FER: variants seen among roughly 807,000 people sequenced by gnomAD.
FER encodes FER tyrosine kinase, also known as tyrosine-protein kinase Fer.
A neutral mutation model predicts 111.0 loss-of-function variants in FER; 63 were observed. That is an observed-to-expected ratio of 0.57 (90% CI 0.46 to 0.70). The LOEUF (loss-of-function observed/expected upper bound fraction) is 0.70, where lower values mean the gene tolerates loss of function less well. Among genes scored for constraint, FER ranks in the 30% least tolerant of loss-of-function variants. The pLI is 0.00. For missense variants in FER, 914 were observed against 954.0 expected (o/e 0.96, Z 0.55); for synonymous variants, 327 against 313.9 (o/e 1.04, Z -0.44).
chr5:109,047,635 A>G (rs1385482852), intron 16 of FER, among the ~76,000 whole-genome samples: 1 of 152,106 alleles, frequency 6.6e-6, no homozygotes, highest in Admixed American at 6.5e-5. Context: ...GAGTCTCACT[A>G]TATTGCTCAG....
intron 13 of FER, among the ~76,000 whole-genome samples, chr5:109,031,362 C>G (rs943869810): frequency 6.6e-6 from 1 of 152,056 alleles, no homozygotes; most frequent in Non-Finnish European, 1.5e-5. Context: ...ATAATACTTT[C>G]CTGTGGAAAG....
At chr5:108,984,254 G>A (rs1025727299) in intron 13 of FER, among the ~76,000 whole-genome samples, 2 of 151,944 alleles carry the variant, frequency 1.3e-5, no homozygotes, top group African/African-American at 4.8e-5. Context: ...GTTACTGTAG[G>A]CAAAGATCTA....
At chr5:109,077,715 G>A (rs1776503830) in intron 16 of FER, among the ~76,000 whole-genome samples, 2 of 152,120 alleles carry the variant, frequency 1.3e-5, no homozygotes, top group Admixed American at 1.3e-4. Context: ...TAACCACTAT[G>A]TGTATCATTT....
At chr5:108,943,141 C>A (rs1388145708) in intron 10 of FER, among the ~76,000 whole-genome samples, 2 of 152,078 alleles carry the variant, frequency 1.3e-5, no homozygotes. Flanking sequence ...TCAAAGGGTA[C>A]CTCAGGCGAA....
intron 16 of FER, among the ~76,000 whole-genome samples, chr5:109,081,978 A>T (rs1202590927): frequency 6.6e-6 from 1 of 151,974 alleles, no homozygotes; most frequent in Non-Finnish European, 1.5e-5. Context: ...TTTCTGAACC[A>T]TTATAACATA....
intron 17 of FER, among the ~76,000 whole-genome samples, chr5:109,131,728 A>G (rs113324883): frequency 0.015 from 2,233 of 152,264 alleles, 40 homozygotes; most frequent in Middle Eastern, 0.027. Context: ...CTGAGCAGCC[A>G]TCATATGCCA....
At chr5:108,890,864 A>G (rs1018549590) in intron 9 of FER, among the ~76,000 whole-genome samples, 2 of 152,126 alleles carry the variant, frequency 1.3e-5, no homozygotes, top group Middle Eastern at 3.2e-3. Flanking sequence ...ACATTTATGT[A>G]TAGGTTTTTA....
At chr5:108,883,121 A>T (rs1057482724) in intron 8 of FER, among the ~76,000 whole-genome samples, 1 of 151,870 alleles carries the variant, frequency 6.6e-6, no homozygotes, top group African/African-American at 2.4e-5. Flanking sequence ...TTTTTGGTGA[A>T]TAAGACTCTA....
chr5:108,835,365 G>A (rs1281903721), intron 4 of FER, among the ~76,000 whole-genome samples: 2 of 151,750 alleles, frequency 1.3e-5, no homozygotes, highest in African/African-American at 2.4e-5. Flanking sequence ...TGGTATTTTT[G>A]GTAGAGACAG....
chr5:108,889,792 C>T (rs914944328), intron 9 of FER, among the ~76,000 whole-genome samples: 1 of 151,802 alleles, frequency 6.6e-6, no homozygotes, highest in African/African-American at 2.4e-5. Flanking sequence ...ATATATATAC[C>T]TATTATGTAC....
At chr5:108,842,210 C>A (rs1358097985) in intron 5 of FER, 1 of 153,710 alleles carries the variant, frequency 6.5e-6, no homozygotes, top group Non-Finnish European at 1.4e-5. Context: ...ATCATTCAAA[C>A]CAGTTGATAG....
chr5:109,130,499 T>C (rs889626810), intron 17 of FER, among the ~76,000 whole-genome samples: 2 of 89,684 alleles, frequency 2.2e-5, no homozygotes, highest in Non-Finnish European at 2.0e-5. Context: ...ATTAAAAATA[T>C]AAACAGAAAC....
chr5:108,823,090 C>T (rs1447034617), intron 3 of FER, among the ~76,000 whole-genome samples: 1 of 152,158 alleles, frequency 6.6e-6, no homozygotes, highest in Non-Finnish European at 1.5e-5. Context: ...CAGGCTTGGA[C>T]TTCTGACCTT....
intron 11 of FER, among the ~76,000 whole-genome samples, chr5:108,951,221 G>A (rs1457741744): frequency 6.6e-6 from 1 of 152,036 alleles, no homozygotes; most frequent in African/African-American, 2.4e-5. Context: ...CGGAGATGAC[G>A]CCATTGGACT....
chr5:109,116,715 A>G (rs1750300197), intron 17 of FER, among the ~76,000 whole-genome samples: 1 of 152,184 alleles, frequency 6.6e-6, no homozygotes, highest in South Asian at 2.1e-4. Flanking sequence ...CTTCCTACAC[A>G]TAAAACATTT....
chr5:108,809,700 C>A (rs1385085730), intron 3 of FER, among the ~76,000 whole-genome samples: 1 of 152,104 alleles, frequency 6.6e-6, no homozygotes, highest in Non-Finnish European at 1.5e-5. Context: ...GTAGCTGGGA[C>A]TACAAGTGTG....
At chr5:109,169,250 T>C (rs1303157716) in intron 17 of FER, among the ~76,000 whole-genome samples, 1 of 152,130 alleles carries the variant, frequency 6.6e-6, no homozygotes, top group Non-Finnish European at 1.5e-5. Flanking sequence ...TAAAGTCTTA[T>C]CAAATATAAT....
intron 13 of FER, among the ~76,000 whole-genome samples, chr5:109,024,283 C>A (rs1768351684): frequency 6.6e-6 from 1 of 152,192 alleles, no homozygotes; most frequent in Non-Finnish European, 1.5e-5. Context: ...TCAGATGCCT[C>A]TTCCCAGTGT....
intron 11 of FER, among the ~76,000 whole-genome samples, chr5:108,953,680 C>T (rs866860303): frequency 3.3e-4 from 50 of 152,040 alleles, no homozygotes; most frequent in African/African-American, 1.2e-3. Context: ...TTGGCCCTAC[C>T]TAGAATTTAT....
Sources: allele counts gnomAD v4.1 joint callset (sites outside exome capture counted in the v4.1 genomes callset), GRCh38; gene constraint gnomAD v4.1.1; transcripts MANE v1.5; gene names NCBI Gene and HGNC (gene_info 2026-07-23, HGNC 2026-07-21).